The following TTC38 variants were observed in gnomAD, a reference collection of about 807,000 sequenced individuals.
The protein encoded by TTC38 is tetratricopeptide repeat protein 38.
A neutral mutation model predicts 64.2 loss-of-function variants in TTC38; 64 were observed. That is an observed-to-expected ratio of 1.00 (90% CI 0.81 to 1.23). TTC38 has a LOEUF of 1.23. Among genes scored for constraint, TTC38 ranks in the 50% most tolerant of loss-of-function variants. The pLI is 0.00. For missense variants in TTC38, 573 were observed against 615.5 expected, an observed-to-expected ratio of 0.93 and a Z score of 0.73; for synonymous variants, 254 against 249.3, an observed-to-expected ratio of 1.02 and a Z score of -0.18.
In TTC38 at chr22:46,292,982, CTGTT is replaced by C; in HGVS notation, c.*103_*106del. 4.3e-6 allele frequency: 4 copies of C among 934,684 alleles called. No homozygotes were observed. The South Asian group carries it at 5.4e-5, about 13-fold the overall frequency. The allele number at this position is 934,684 out of a possible 1,614,324, so 57.9% of individuals were successfully genotyped here. A position where few individuals can be genotyped will look rare whatever the true frequency, so the allele number is the denominator to read the frequency against. On this transcript the variant is annotated 3_prime_UTR_variant, in exon 14 of 14. Transcript: ENST00000381031. This position sits in a 1 kb window ranked among gnomAD's most constrained non-coding sequence, Gnocchi z 6.5. Reference sequence around the variant, plus strand: ...GTTAGGGTCAGGAGACGGCCAGAGCCTGTTTGTTAGGGCTGTTAGAGGGTGATCT... The same window carrying C: ...GTTAGGGTCAGGAGACGGCCAGAGCCTGTTAGGGCTGTTAGAGGGTGATCT...
chr22:46,286,556 G>A (rs2077572988), intron 9 of TTC38, among the ~76,000 whole-genome samples: 1 of 151,990 alleles, frequency 6.6e-6, no homozygotes, highest in Non-Finnish European at 1.5e-5. Flanking sequence ...AGCTACTTAG[G>A]AGGCTGAGGC....
Position 46,292,295 on chromosome 22 carries a change from T to C in TTC38, c.1317-496T>C. On this transcript the variant is annotated intron_variant, in intron 13 of 13. Coordinates refer to ENST00000381031, the MANE Select transcript of TTC38 (RefSeq NM_017931.4). The surrounding 1 kb of genome is among the most constrained non-coding windows in gnomAD (Gnocchi z 6.5). The stretch of plus-strand genomic sequence containing the variant: ...AACTCCTGGGCTCAAGGAATCTTCC[T>C]GCCTCATCCTTCCATCGTGCAGGGA... The C allele has an allele frequency of 2.4e-6, 1 of 414,826 alleles. No individual in the cohort carries two copies. The highest frequency in any genetic ancestry group is 4.7e-6 in the Non-Finnish European group (1 of 211,426). The allele number at this position is 414,826 out of a possible 1,614,324, so 25.7% of individuals were successfully genotyped here. A position where few individuals can be genotyped will look rare whatever the true frequency, so the allele number is the denominator to read the frequency against.
chr22:46,283,557 TG>T (rs1391028097), intron 7 of TTC38, among the ~76,000 whole-genome samples: 3 of 152,118 alleles, frequency 2.0e-5, no homozygotes, highest in Admixed American at 6.5e-5. Flanking sequence ...CACTCAAAGA[TG>T]ATGGTTTCTG....
At chr22:46,289,674 G>GT in intron 12 of TTC38, 113 bp downstream of exon 12, 1 of 1,460,690 alleles carries the variant, frequency 6.8e-7, no homozygotes, top group Admixed American at 1.8e-5. Context: ...GGGTGTGAAC[G>GT]TGTCTCTCAC....
At position 46,275,424 on chromosome 22, in the gene TTC38, A is replaced by G; in HGVS notation, c.539+3A>G. On this transcript the variant is annotated splice_donor_region_variant and intron_variant, in intron 5 of 13. Transcript: ENST00000381031. The surrounding 1 kb of genome is among the most constrained non-coding windows in gnomAD (Gnocchi z 4.5). ...ACACCTGACATCCCCCTAAGCAGGTATGTGCCAGCTGGAAATCACATTATT... is the reference window on the plus strand; with the variant it reads ...ACACCTGACATCCCCCTAAGCAGGTGTGTGCCAGCTGGAAATCACATTATT... 1 of 1,606,420 alleles carries G rather than the reference A, an allele frequency of 6.2e-7. No homozygotes were observed. Among genetic ancestry groups the G allele is most frequent in the Non-Finnish European group, 8.5e-7 (1 of 1,176,844 alleles).
At position 46,275,592 on chromosome 22, in the gene TTC38, C is replaced by T. The variant is rs200374859; in HGVS notation, c.539+171C>T. On this transcript the variant is annotated intron_variant, in intron 5 of 13. Transcript: ENST00000381031. The surrounding 1 kb of genome is among the most constrained non-coding windows in gnomAD (Gnocchi z 4.5). ...TTTTCTTCACTTGATTTTCATCCCACCTGTGAATGAGGTAGTACCATTATG... is the reference window on the plus strand; with the variant it reads ...TTTTCTTCACTTGATTTTCATCCCATCTGTGAATGAGGTAGTACCATTATG... 1.1e-4 allele frequency among the ~76,000 whole-genome samples: 16 copies of T among 152,282 alleles called. No homozygotes were observed. The East Asian group carries it at 2.9e-3, about 28-fold the overall frequency.
rs745825694 is a variant in TTC38 at position 46,278,653 on chromosome 22, G to A, written c.607G>A (p.Ala203Thr). ...TNFYDQAEKL[A>T]KEALSINPTD... ...CTTCTACGACCAGGCAGAAAAACTC[G>A]CCAAAGAGGTAAGTGGGTCCTTCCT... Residue 203 changes from alanine (A) to threonine (T), a missense_variant, in exon 6 of 14, where the codon GCC becomes ACC. Physicochemically the swap from Ala to Thr is moderately conservative, Grantham distance 58 (BLOSUM62 0). Around this residue, in one of 3 missense-constraint regions of TTC38, gnomAD observed 371 missense variants for 381.8 expected, o/e 0.97. Coordinates refer to ENST00000381031, the MANE Select transcript of TTC38 (RefSeq NM_017931.4). 21 of 1,613,856 alleles carry A rather than the reference G, an allele frequency of 1.3e-5. No homozygotes were observed. Among genetic ancestry groups the A allele is most frequent in the South Asian group, 9.9e-5 (9 of 91,090 alleles).
rs138035782 is a variant in TTC38, at chr22:46,268,667, T to TTTTTG, written c.111+106_111+110dup. The TTTTTG allele has an allele frequency of 8.2e-3, 10,732 of 1,307,800 alleles. 216 individuals are homozygous for TTTTTG. In the East Asian group the frequency reaches 0.088, roughly 11 times the overall value. The allele number at this position is 1,307,800 out of a possible 1,614,324, so 81.0% of individuals were successfully genotyped here. A position where few individuals can be genotyped will look rare whatever the true frequency, so the allele number is the denominator to read the frequency against. On this transcript the variant is annotated intron_variant, in intron 2 of 13. Transcript: ENST00000381031. ...GGTTTTTTAATTGGGGAAAGCTGTTTTTTTGTTTTGTTTTGTTTTGTTTTG... is the reference window on the plus strand; with the variant it reads ...GGTTTTTTAATTGGGGAAAGCTGTTTTTTTGTTTTGTTTTGTTTTGTTTTGTTTTG...
Position 46,292,942 on chromosome 22 carries a change from C to A in TTC38, c.*58C>A. ...CAGTGGTGGCGTCACTGCGTCCAGT[C>A]AGCTGCTCCACCGGGTTAGGGTCAG... is the stretch of plus-strand genomic sequence containing the variant. On this transcript the variant is annotated 3_prime_UTR_variant, in exon 14 of 14. Coordinates refer to ENST00000381031, the MANE Select transcript of TTC38 (RefSeq NM_017931.4). This position sits in a 1 kb window ranked among gnomAD's most constrained non-coding sequence, Gnocchi z 6.5. The A allele has an allele frequency of 2.2e-6, 3 of 1,367,720 alleles. No homozygotes were observed. The highest frequency in any genetic ancestry group is 1.2e-5 in the South Asian group (1 of 85,840). 84.7% of individuals were successfully genotyped at this position (1,367,720 alleles called of 1,614,324 possible). A position where few individuals can be genotyped will look rare whatever the true frequency, so the allele number is the denominator to read the frequency against.
Position 46,282,732 on chromosome 22 carries a change from C to A in TTC38, c.735+1014C>A. On this transcript the variant is annotated intron_variant, in intron 7 of 13. Coordinates refer to ENST00000381031, the MANE Select transcript of TTC38 (RefSeq NM_017931.4). The surrounding 1 kb of genome is among the most constrained non-coding windows in gnomAD (Gnocchi z 4.4). ...CTGGGCACTCTAGCTTGTTGAGGAT[C>A]ACGAGTCCAGTCTCCTGAGCTTGGA... is the stretch of plus-strand genomic sequence containing the variant. Among the ~76,000 whole-genome samples the A allele has an allele frequency of 6.6e-6, 1 of 152,094 alleles. No homozygotes were observed. The highest frequency in any genetic ancestry group is 1.9e-4 in the East Asian group (1 of 5,178).
In TTC38 at chr22:46,281,560, C is replaced by CT. The variant is rs2147794906; in HGVS notation, c.616-38dup. 6.3e-7 allele frequency: 1 copy of CT among 1,597,034 alleles called. No individual in the cohort carries two copies. Among genetic ancestry groups the CT allele is most frequent in the Non-Finnish European group, 8.6e-7 (1 of 1,168,292 alleles). Reference sequence around the variant, plus strand: ...CGCCTGCCCCGGCAGCCTGACTGATCTGCTTTATCTGGAATCCTCTTCCCC... The same window carrying CT: ...CGCCTGCCCCGGCAGCCTGACTGATCTTGCTTTATCTGGAATCCTCTTCCCC... On this transcript the variant is annotated intron_variant, in intron 6 of 13. Coordinates refer to ENST00000381031, the MANE Select transcript of TTC38 (RefSeq NM_017931.4). The surrounding 1 kb of genome is among the most constrained non-coding windows in gnomAD (Gnocchi z 5.2).
chr22:46,283,884 TGG>T, intron 7 of TTC38, 87 bp from the exon 8 acceptor site: 2 of 587,280 alleles, frequency 3.4e-6, no homozygotes, highest in Non-Finnish European at 5.6e-6. Flanking sequence ...AAAAAGATGA[TGG>T]TTTCTGCATT....
rs1936959579 is a variant in TTC38, at chr22:46,274,182, C to G, written c.365+113C>G. The stretch of plus-strand genomic sequence containing the variant: ...GGGGGCGGGGTGGGAGAATGCTTCT[C>G]TCCCTGCCTCCTGAGATGCTCTGAT... On this transcript the variant is annotated intron_variant, in intron 4 of 13. Coordinates refer to ENST00000381031, the MANE Select transcript of TTC38 (RefSeq NM_017931.4). This position sits in a 1 kb window ranked among gnomAD's most constrained non-coding sequence, Gnocchi z 4.8. 1 of 913,390 alleles carries G rather than the reference C, an allele frequency of 1.1e-6. No homozygotes were observed. Among genetic ancestry groups the G allele is most frequent in the Non-Finnish European group, 1.7e-6 (1 of 602,262 alleles). The allele number at this position is 913,390 out of a possible 1,614,324, so 56.6% of individuals were successfully genotyped here. A position where few individuals can be genotyped will look rare whatever the true frequency, so the allele number is the denominator to read the frequency against.
Position 46,281,187 on chromosome 22 carries a change from T to C in TTC38, c.616-412T>C, listed in dbSNP as rs2077531794. Among the ~76,000 whole-genome samples, 1 of 152,224 alleles carries C rather than the reference T, an allele frequency of 6.6e-6. No homozygotes were observed. Among genetic ancestry groups the C allele is most frequent in the Non-Finnish European group, 1.5e-5 (1 of 68,042 alleles). ...CCACGTTCACATGGGCAGTAACCAC[T>C]TCTCTAAGAGAAAGGCAGCATCCGT... On this transcript the variant is annotated intron_variant, in intron 6 of 13. Coordinates refer to ENST00000381031, the MANE Select transcript of TTC38 (RefSeq NM_017931.4). The surrounding 1 kb of genome is among the most constrained non-coding windows in gnomAD (Gnocchi z 5.2).
rs771921983 is a variant in TTC38 at position 46,268,527 on chromosome 22, C to G, written c.47C>G (p.Ala16Gly). 1.2e-6 allele frequency: 2 copies of G among 1,614,006 alleles called. No individual in the cohort carries two copies. Among genetic ancestry groups the G allele is most frequent in the South Asian group, 2.2e-5 (2 of 91,080 alleles). The change falls in exon 2 of 14, where the codon GCG (alanine) becomes GGG (glycine). Residue 16 changes from alanine (A) to glycine (G), a missense_variant. This residue lies in a region of TTC38 where 134 missense variants were observed against 126.5 expected (regional missense o/e 1.06). Coordinates refer to ENST00000381031, the MANE Select transcript of TTC38 (RefSeq NM_017931.4). ...PLRDCQAWKD[A>G]RLPLSTTSNE... ...TGCCGTCTGTAGGCCTGGAAGGATG[C>G]GAGGCTCCCGCTCTCCACCACAAGC...
intron 9 of TTC38, among the ~76,000 whole-genome samples, chr22:46,285,998 G>C (rs2077568778): frequency 7.9e-6 from 1 of 127,160 alleles, no homozygotes; most frequent in Non-Finnish European, 1.5e-5. Context: ...CTGGGTGACA[G>C]AGTGAGACTC....
intron 10 of TTC38, among the ~76,000 whole-genome samples, chr22:46,287,525 G>A (rs1025493825): frequency 1.3e-5 from 2 of 152,232 alleles, no homozygotes; most frequent in Non-Finnish European, 2.9e-5. Flanking sequence ...TAAAACATGA[G>A]AGAGTTTCTC....
At position 46,282,109 on chromosome 22, in the gene TTC38, C is replaced by T. The variant is rs1473070859; in HGVS notation, c.735+391C>T. On this transcript the variant is annotated intron_variant, in intron 7 of 13. Coordinates refer to ENST00000381031, the MANE Select transcript of TTC38 (RefSeq NM_017931.4). This position sits in a 1 kb window ranked among gnomAD's most constrained non-coding sequence, Gnocchi z 4.4. ...GGGGACAGTGGCTAGGGAAGGCATC[C>T]TGGAGGGGGCAACCTCTGAGTTGGC... is the stretch of plus-strand genomic sequence containing the variant. 2.5e-6 allele frequency: 1 copy of T among 400,086 alleles called. No individual in the cohort carries two copies. The highest frequency in any genetic ancestry group is 5.2e-6 in the Non-Finnish European group (1 of 190,650). 24.8% of individuals were successfully genotyped at this position (400,086 alleles called of 1,614,324 possible).
chr22:46,289,501 C>T lies in TTC38; in HGVS notation c.1182C>T (p.Val394=). The T allele has an allele frequency of 6.2e-7, 1 of 1,608,370 alleles. No homozygotes were observed. Among genetic ancestry groups the T allele is most frequent in the South Asian group, 1.1e-5 (1 of 90,910 alleles). Residue 394 remains valine (V), a synonymous_variant, in exon 12 of 14, where the codon GTC becomes GTT. Coordinates refer to ENST00000381031, the MANE Select transcript of TTC38 (RefSeq NM_017931.4). The part of the protein sequence containing the change: ...VEAEDGNPDR[V]LELLLPIRYR... ...CTGAGGACGGGAACCCTGACCGCGT[C>T]CTGGAGCTGCTCCTGCCCATCCGCT... is the stretch of plus-strand genomic sequence containing the variant.
Sources: gnomAD v4.1 joint callset for allele counts (sites outside exome capture counted in the v4.1 genomes callset) on GRCh38, gnomAD v4.1.1 for gene constraint, gnomAD v4.1.1 regional missense constraint, Gnocchi (gnomAD v3.1) non-coding constraint, MANE v1.5 for transcripts, NCBI Gene and HGNC (gene_info 2026-07-23, HGNC 2026-07-21) for gene names.